The following REDIC1 variants were observed in gnomAD, a reference collection of about 807,000 sequenced individuals.
REDIC1 encodes the protein HEI10 Interacting Protein 1.
the REDIC1 span, among the ~76,000 whole-genome samples, chr12:39,695,391 G>A: frequency 2.0e-5 from 3 of 152,106 alleles, no homozygotes; most frequent in East Asian, 1.9e-4. Context: ...GTGACTCGCA[G>A]CCTAGGCATC....
At chr12:39,736,026 A>T in the REDIC1 span, among the ~76,000 whole-genome samples, 1 of 152,314 alleles carries the variant, frequency 6.6e-6, no homozygotes, top group East Asian at 1.9e-4. Context: ...TGGATTTCTG[A>T]AGTAATACTG....
chr12:39,820,609 C>T, the REDIC1 span, among the ~76,000 whole-genome samples: 1 of 151,768 alleles, frequency 6.6e-6, no homozygotes. Flanking sequence ...AATTTTATTT[C>T]ATTTATGCTG....
At chr12:39,877,770 T>A in the REDIC1 span, among the ~76,000 whole-genome samples, 1 of 152,202 alleles carries the variant, frequency 6.6e-6, no homozygotes, top group South Asian at 2.1e-4. Context: ...TTCTAAACCT[T>A]TATGCAGTAG....
chr12:39,799,738 G>T, the REDIC1 span, among the ~76,000 whole-genome samples: 6 of 152,088 alleles, frequency 3.9e-5, no homozygotes, highest in Non-Finnish European at 8.8e-5. Context: ...TTAAAGTTAG[G>T]CCTATTATAC....
the REDIC1 span, among the ~76,000 whole-genome samples, chr12:39,836,397 C>T: frequency 6.6e-6 from 1 of 152,096 alleles, no homozygotes; most frequent in African/African-American, 2.4e-5. Context: ...CAATCTCTAG[C>T]CTTTCTTTTC....
the REDIC1 span, chr12:39,643,661 T>G: frequency 2.7e-5 from 20 of 746,074 alleles, no homozygotes; most frequent in Non-Finnish European, 4.0e-5. Context: ...TATAAAGATG[T>G]CACAAAATAT....
At chr12:39,666,466 G>T in the REDIC1 span, among the ~76,000 whole-genome samples, 1 of 152,140 alleles carries the variant, frequency 6.6e-6, no homozygotes, top group Non-Finnish European at 1.5e-5. Flanking sequence ...GATTCAGTTT[G>T]CCAGTATTTT....
At chr12:39,704,913 G>A in the REDIC1 span, among the ~76,000 whole-genome samples, 1 of 151,980 alleles carries the variant, frequency 6.6e-6, no homozygotes, top group Non-Finnish European at 1.5e-5. Flanking sequence ...CACACTCTGG[G>A]GACTGTTGTG....
At chr12:39,640,901 T>TTTAA in the REDIC1 span, 1 of 1,354,332 alleles carries the variant, frequency 7.4e-7, no homozygotes, top group Non-Finnish European at 1.0e-6. Flanking sequence ...CTGGCAGTTG[T>TTTAA]CTTAAAGGCC....
the REDIC1 span, chr12:39,764,958 CT>C: frequency 6.1e-6 from 8 of 1,307,780 alleles, 1 homozygote; most frequent in South Asian, 1.2e-4. Flanking sequence ...TCCTTAATGT[CT>C]TAAGAGTCCA....
chr12:39,819,369 T>C, the REDIC1 span, among the ~76,000 whole-genome samples: 12 of 152,276 alleles, frequency 7.9e-5, no homozygotes, highest in African/African-American at 2.6e-4. Context: ...TTAAAATATA[T>C]TAAGGTGGCA....
the REDIC1 span, among the ~76,000 whole-genome samples, chr12:39,895,067 C>A: frequency 6.6e-6 from 1 of 151,962 alleles, no homozygotes; most frequent in Non-Finnish European, 1.5e-5. Context: ...TGGGGTCTCA[C>A]TATGTTGTCC....
the REDIC1 span, among the ~76,000 whole-genome samples, chr12:39,821,465 T>C: frequency 3.9e-5 from 6 of 152,132 alleles, no homozygotes. Context: ...GGTATCTTGC[T>C]ATATCAGTCA....
the REDIC1 span, among the ~76,000 whole-genome samples, chr12:39,718,248 G>GT: frequency 4.6e-5 from 7 of 152,136 alleles, no homozygotes; most frequent in Admixed American, 3.3e-4. Flanking sequence ...AAAGGTCACT[G>GT]TGACTCCCTA....
chr12:39,694,696 G>C, the REDIC1 span, among the ~76,000 whole-genome samples: 37 of 152,140 alleles, frequency 2.4e-4, no homozygotes, highest in African/African-American at 8.9e-4. Context: ...TCCTAGGTGA[G>C]TCCTAGTGCT....
the REDIC1 span, among the ~76,000 whole-genome samples, chr12:39,680,102 G>A: frequency 6.6e-6 from 1 of 151,948 alleles, no homozygotes; most frequent in Non-Finnish European, 1.5e-5. Context: ...AGAACCAAAA[G>A]CAAATGCAAC....
the REDIC1 span, among the ~76,000 whole-genome samples, chr12:39,838,118 T>G: frequency 1.4e-5 from 2 of 147,290 alleles, no homozygotes; most frequent in South Asian, 2.2e-4. Context: ...TAGACTGGAT[T>G]AAGAAAATGT....
the REDIC1 span, among the ~76,000 whole-genome samples, chr12:39,658,324 A>T: frequency 1.3e-5 from 2 of 152,136 alleles, no homozygotes; most frequent in Non-Finnish European, 2.9e-5. Flanking sequence ...ACCTCAAGTG[A>T]TCCACCTGCC....
the REDIC1 span, among the ~76,000 whole-genome samples, chr12:39,879,844 G>C: frequency 6.6e-6 from 1 of 152,176 alleles, no homozygotes; most frequent in African/African-American, 2.4e-5. Context: ...AGATTTGGAA[G>C]GGGCCAGAGG....
Sources: gnomAD v4.1 joint callset for allele counts (sites outside exome capture counted in the v4.1 genomes callset) on GRCh38, gnomAD v4.1.1 for gene constraint, MANE v1.5 for transcripts, NCBI Gene and HGNC (gene_info 2026-07-23, HGNC 2026-07-21) for gene names.